Variants in RBFOX1 observed in about 807,000 individuals in gnomAD.
RBFOX1 encodes the protein RNA binding protein fox-1 homolog 1.
A neutral mutation model predicts 57.7 loss-of-function variants in RBFOX1; 8 were observed. The observed-to-expected ratio is 0.14, with a 90% CI of 0.08 to 0.25. The LOEUF is 0.25. Ranked by LOEUF, RBFOX1 falls within the 10% of genes least tolerant of loss-of-function variation. The probability of loss-of-function intolerance (pLI) is 1.00; values close to 1 mark genes in which losing one functional copy is unlikely to be tolerated. For synonymous variants in RBFOX1, 326 were observed against 222.4 expected (o/e 1.47, Z -4.15); for missense variants, 611 against 548.5 (o/e 1.11, Z -1.14).
chr16:5,334,782 G>A (rs374332300), intron 1 of RBFOX1, among the ~76,000 whole-genome samples: 5 of 151,514 alleles, frequency 3.3e-5, no homozygotes, highest in African/African-American at 1.2e-4. Flanking sequence ...ATGGCCAACC[G>A]TGGTCATTGT....
chr16:6,037,146 A>G (rs997609529), intron 1 of RBFOX1: 1 of 152,184 alleles, frequency 6.6e-6, no homozygotes, highest in African/African-American at 2.4e-5. Context: ...GTATGTCTTA[A>G]AGTCCAATTA....
intron 2 of RBFOX1, among the ~76,000 whole-genome samples, chr16:5,487,017 A>G (rs548307847): frequency 6.6e-6 from 1 of 151,804 alleles, no homozygotes; most frequent in Admixed American, 6.6e-5. Flanking sequence ...CCTTCCCAGA[A>G]TTTTTTTGCT....
intron 1 of RBFOX1, among the ~76,000 whole-genome samples, chr16:6,256,191 A>ATG (rs1319587242): frequency 1.4e-3 from 25 of 17,476 alleles, no homozygotes; most frequent in Middle Eastern, 0.013. Flanking sequence ...ATATACGTAT[A>ATG]TATATGTATA....
chr16:5,802,168 A>G (rs972634776), intron 3 of RBFOX1, among the ~76,000 whole-genome samples: 3 of 152,112 alleles, frequency 2.0e-5, no homozygotes, highest in Admixed American at 6.5e-5. Context: ...CCATGCCCTC[A>G]ATTTTATTTG....
At chr16:7,381,491 A>G (rs184524064) in intron 4 of RBFOX1, among the ~76,000 whole-genome samples, 51 of 146,844 alleles carry the variant, frequency 3.5e-4, no homozygotes, top group Non-Finnish European at 6.2e-4. Flanking sequence ...GGGTTCATAC[A>G]TCGTTCCCCC....
At chr16:5,638,678 T>G (rs1382930208) in intron 3 of RBFOX1, among the ~76,000 whole-genome samples, 1 of 152,168 alleles carries the variant, frequency 6.6e-6, no homozygotes, top group Non-Finnish European at 1.5e-5. Flanking sequence ...TGGAATGGGT[T>G]AAGGAAGGGA....
At chr16:7,090,076 C>G (rs1322642822) in intron 4 of RBFOX1, among the ~76,000 whole-genome samples, 3 of 152,058 alleles carry the variant, frequency 2.0e-5, no homozygotes, top group African/African-American at 7.2e-5. Context: ...GCCTTCTAGT[C>G]TGTAAATAAA....
chr16:6,955,647 C>T (rs2081634495), intron 3 of RBFOX1, among the ~76,000 whole-genome samples: 1 of 151,794 alleles, frequency 6.6e-6, no homozygotes, highest in South Asian at 2.1e-4. Context: ...TAGTATTTTT[C>T]ATCTTTTGCT....
chr16:6,662,466 A>G (rs904999882), intron 3 of RBFOX1, among the ~76,000 whole-genome samples: 1 of 152,180 alleles, frequency 6.6e-6, no homozygotes, highest in African/African-American at 2.4e-5. Flanking sequence ...TAGAAGAGGA[A>G]CACATTTTCC....
At chr16:6,506,602 G>C (rs2096097983) in intron 2 of RBFOX1, among the ~76,000 whole-genome samples, 1 of 142,636 alleles carries the variant, frequency 7.0e-6, no homozygotes, top group Non-Finnish European at 1.5e-5. Flanking sequence ...AGTATAAACG[G>C]TAATAACAAT....
intron 4 of RBFOX1, among the ~76,000 whole-genome samples, chr16:5,922,505 G>A (rs537948441): frequency 6.6e-6 from 1 of 152,162 alleles, no homozygotes; most frequent in Non-Finnish European, 1.5e-5. Flanking sequence ...CAGGGCAGAG[G>A]AGAGCCCAGG....
chr16:5,853,030 T>C (rs2056936039), intron 3 of RBFOX1, among the ~76,000 whole-genome samples: 1 of 152,150 alleles, frequency 6.6e-6, no homozygotes, highest in Non-Finnish European at 1.5e-5. Flanking sequence ...ACGCTCATTA[T>C]ACTGTAATAG....
At chr16:5,370,631 C>T (rs780713395) in intron 1 of RBFOX1, among the ~76,000 whole-genome samples, 3 of 151,180 alleles carry the variant, frequency 2.0e-5, no homozygotes, top group African/African-American at 7.3e-5. Context: ...CAGCTGAGGC[C>T]GCAGGCACGT....
chr16:6,200,332 A>G (rs971243033), intron 1 of RBFOX1, among the ~76,000 whole-genome samples: 2 of 152,096 alleles, frequency 1.3e-5, no homozygotes, highest in South Asian at 2.1e-4. Flanking sequence ...GTATGCCCCG[A>G]AAGAGAGCAG....
chr16:7,647,068 G>A (rs962845914), intron 11 of RBFOX1, among the ~76,000 whole-genome samples: 1 of 152,152 alleles, frequency 6.6e-6, no homozygotes, highest in Non-Finnish European at 1.5e-5. Flanking sequence ...TGATACTTGA[G>A]CACCACCACA....
At chr16:6,165,349 C>G (rs1416150702) in intron 1 of RBFOX1, among the ~76,000 whole-genome samples, 1 of 152,096 alleles carries the variant, frequency 6.6e-6, no homozygotes, top group Non-Finnish European at 1.5e-5. Flanking sequence ...AGTGCCAAAA[C>G]AACCGTAAAG....
chr16:6,242,201 G>C (rs139576250), intron 1 of RBFOX1, among the ~76,000 whole-genome samples: 11 of 152,022 alleles, frequency 7.2e-5, no homozygotes, highest in African/African-American at 2.4e-4. Flanking sequence ...ATAGTTATCA[G>C]TACTATAAGA....
In RBFOX1 at chr16:5,892,662, C is replaced by G. The variant is rs770103529; in HGVS notation, c.351+25327C>G. ...TAGAAGCTCTGAGGAAGATCAAATT[C>G]ACCCTGCTAAAGACGGCTTCCCAGA... On this transcript the variant is annotated intron_variant, in intron 4 of 19. Coordinates refer to the RBFOX1 transcript ENST00000641259. Among the ~76,000 whole-genome samples the G allele has an allele frequency of 6.0e-4, 92 of 152,198 alleles. 4 individuals carry two copies. The highest frequency in any genetic ancestry group is 9.8e-4 in the Admixed American group (15 of 15,276).
chr16:6,682,691 C>A (rs550903170), intron 3 of RBFOX1, among the ~76,000 whole-genome samples: 44 of 151,892 alleles, frequency 2.9e-4, no homozygotes, highest in African/African-American at 1.1e-3. Flanking sequence ...ATGTGTCCCC[C>A]GGCGCGCAAA....
Sources: gnomAD v4.1 joint callset for allele counts (sites outside exome capture counted in the v4.1 genomes callset) on GRCh38, gnomAD v4.1.1 for gene constraint, MANE v1.5 for transcripts, NCBI Gene and HGNC (gene_info 2026-07-23, HGNC 2026-07-21) for gene names.